The following OSBPL6 variants were observed in gnomAD, a reference collection of about 807,000 sequenced individuals.
OSBPL6 encodes oxysterol-binding protein-related protein 6.
Under a neutral mutation model 125.8 loss-of-function variants are expected in OSBPL6, and 49 were observed. That is an observed-to-expected ratio of 0.39 (90% CI 0.31 to 0.49). The LOEUF is 0.49. Ranked by LOEUF, OSBPL6 falls within the 20% of genes least tolerant of loss-of-function variation. The pLI is 0.88. For synonymous variants in OSBPL6, 394 were observed against 391.8 expected (o/e 1.01, Z -0.07); for missense variants, 986 against 1,135.4 (o/e 0.87, Z 1.89).
intron 12 of OSBPL6, among the ~76,000 whole-genome samples, chr2:178,351,714 T>G (rs1246300818): frequency 6.6e-6 from 1 of 152,186 alleles, no homozygotes; most frequent in Non-Finnish European, 1.5e-5. Context: ...CTAGAGGTTA[T>G]TATCCTCAGC....
chr2:178,314,100 A>G (rs1400411944), intron 3 of OSBPL6, among the ~76,000 whole-genome samples: 2 of 152,256 alleles, frequency 1.3e-5, no homozygotes, highest in Non-Finnish European at 2.9e-5. Flanking sequence ...CCTCTGTAGC[A>G]TCTTCAAATC....
intron 12 of OSBPL6, among the ~76,000 whole-genome samples, chr2:178,356,155 G>A (rs1691770317): frequency 6.6e-6 from 1 of 152,152 alleles, no homozygotes; most frequent in African/African-American, 2.4e-5. Context: ...AAAACTGGAA[G>A]CATTCCCTTT....
At chr2:178,286,389 T>C (rs1450372319) in intron 2 of OSBPL6, among the ~76,000 whole-genome samples, 2 of 152,256 alleles carry the variant, frequency 1.3e-5, no homozygotes, top group African/African-American at 4.8e-5. Flanking sequence ...TTTCTTCTGC[T>C]CTCTGTATAT....
chr2:178,366,187 C>T (rs965975478), intron 13 of OSBPL6, among the ~76,000 whole-genome samples: 1 of 152,204 alleles, frequency 6.6e-6, no homozygotes, highest in African/African-American at 2.4e-5. Context: ...CCACTGCACC[C>T]AGCTTATGTC....
At chr2:178,308,294 G>A (rs564381423) in intron 3 of OSBPL6, among the ~76,000 whole-genome samples, 19 of 152,270 alleles carry the variant, frequency 1.2e-4, no homozygotes, top group Middle Eastern at 3.4e-3. Context: ...AGGGAACTCA[G>A]ATATTTTGAC....
intron 1 of OSBPL6, among the ~76,000 whole-genome samples, chr2:178,263,285 C>G (rs1213857478): frequency 6.6e-6 from 1 of 152,126 alleles, no homozygotes; most frequent in Non-Finnish European, 1.5e-5. Flanking sequence ...TCAAGACTAG[C>G]CTGACGGACA....
chr2:178,278,436 C>A (rs548444396), intron 1 of OSBPL6, among the ~76,000 whole-genome samples: 1 of 152,242 alleles, frequency 6.6e-6, no homozygotes, highest in South Asian at 2.1e-4. Flanking sequence ...ACATAATTGA[C>A]TTACTGTTGT....
intron 3 of OSBPL6, among the ~76,000 whole-genome samples, chr2:178,322,379 A>G (rs1409521162): frequency 6.6e-6 from 1 of 152,230 alleles, no homozygotes; most frequent in Non-Finnish European, 1.5e-5. Context: ...AAGCAAAAGC[A>G]GTAGCCACAT....
At chr2:178,257,983 G>T (rs549449834) in intron 1 of OSBPL6, among the ~76,000 whole-genome samples, 38 of 151,922 alleles carry the variant, frequency 2.5e-4, no homozygotes, top group African/African-American at 7.7e-4. Context: ...TAGAAACAGG[G>T]TCTACCTATG....
At chr2:178,225,028 A>AGTGT (rs146108640) in intron 1 of OSBPL6, among the ~76,000 whole-genome samples, 8 of 119,082 alleles carry the variant, frequency 6.7e-5, no homozygotes, top group East Asian at 2.5e-4. Context: ...TCTCTCTCTG[A>AGTGT]GTGTGTGTGT....
chr2:178,335,641 A>T (rs191755938), intron 8 of OSBPL6, among the ~76,000 whole-genome samples: 2 of 152,200 alleles, frequency 1.3e-5, no homozygotes, highest in African/African-American at 4.8e-5. Context: ...TTTTAAAATT[A>T]TTTCAATTTT....
intron 3 of OSBPL6, among the ~76,000 whole-genome samples, chr2:178,321,455 A>G (rs1307652204): frequency 6.6e-6 from 1 of 152,236 alleles, no homozygotes; most frequent in Non-Finnish European, 1.5e-5. Flanking sequence ...TAGATATTTC[A>G]TTTAAAATAA....
In OSBPL6 at chr2:178,318,413, A is replaced by G. The variant is rs111609076; in HGVS notation, c.103-5764A>G. Reference sequence around the variant, plus strand: ...TTTCATTCATTTTAAGGGTGCTTATATAGAGACCTACTGTTAATGCACTTC... The same window carrying G: ...TTTCATTCATTTTAAGGGTGCTTATGTAGAGACCTACTGTTAATGCACTTC... On this transcript the variant is annotated intron_variant, in intron 3 of 24. Coordinates refer to ENST00000190611, the MANE Select transcript of OSBPL6 (RefSeq NM_032523.4). 1.9e-3 allele frequency among the ~76,000 whole-genome samples: 290 copies of G among 152,328 alleles called. 4 individuals are homozygous for G. Among genetic ancestry groups the G allele is most frequent in the African/African-American group, 6.7e-3 (279 of 41,580 alleles).
intron 2 of OSBPL6, among the ~76,000 whole-genome samples, chr2:178,299,506 C>CT (rs1041628308): frequency 6.7e-6 from 1 of 148,210 alleles, no homozygotes; most frequent in Non-Finnish European, 1.5e-5. Context: ...GATGAACTTA[C>CT]TTTTTTTCTT....
At position 178,386,180 on chromosome 2, in the gene OSBPL6, C is replaced by T. The variant is rs115264113; in HGVS notation, c.2077+659C>T. ...TGAGCATTTTCTTAACCTGAAAATACATAAAAATGATAGAACACTGTAGCT... is the reference window on the plus strand; with the variant it reads ...TGAGCATTTTCTTAACCTGAAAATATATAAAAATGATAGAACACTGTAGCT... On this transcript the variant is annotated intron_variant, in intron 19 of 24. Transcript: ENST00000190611. Among the ~76,000 whole-genome samples the T allele has an allele frequency of 4.9e-3, 746 of 152,212 alleles. 7 individuals are homozygous for T. Among genetic ancestry groups the T allele is most frequent in the African/African-American group, 0.017 (707 of 41,518 alleles).
chr2:178,197,091 C>T (rs920061255), intron 1 of OSBPL6, among the ~76,000 whole-genome samples: 8 of 150,780 alleles, frequency 5.3e-5, no homozygotes, highest in Non-Finnish European at 8.8e-5. Flanking sequence ...CCTGGGCACA[C>T]GTGCCAGTGT....
At chr2:178,282,299 G>C (rs1374619857) in intron 1 of OSBPL6, among the ~76,000 whole-genome samples, 2 of 152,230 alleles carry the variant, frequency 1.3e-5, no homozygotes, top group African/African-American at 4.8e-5. Flanking sequence ...ATGGGAGAGG[G>C]CGGAGGAATT....
At chr2:178,238,269 G>T (rs2091143546) in intron 1 of OSBPL6, among the ~76,000 whole-genome samples, 1 of 152,136 alleles carries the variant, frequency 6.6e-6, no homozygotes, top group African/African-American at 2.4e-5. Context: ...GAAATCTCAT[G>T]CCGCCCTGCT....
Position 178,395,609 on chromosome 2 carries a change from A to G in OSBPL6, c.*50A>G, listed in dbSNP as rs868046290. 2 of 1,338,304 alleles carry G rather than the reference A, an allele frequency of 1.5e-6. No homozygotes were observed. Among genetic ancestry groups the G allele is most frequent in the Non-Finnish European group, 2.1e-6 (2 of 938,982 alleles). 82.9% of individuals were successfully genotyped at this position (1,338,304 alleles called of 1,614,324 possible). A position where few individuals can be genotyped will look rare whatever the true frequency, so the allele number is the denominator to read the frequency against. Reference sequence around the variant, plus strand: ...ATATCACATTCTGAATGAATAAATAACTATGCACAATTATGTTTCTTATAG... The same window carrying G: ...ATATCACATTCTGAATGAATAAATAGCTATGCACAATTATGTTTCTTATAG... On this transcript the variant is annotated 3_prime_UTR_variant, in exon 25 of 25. Transcript: ENST00000190611.
Sources: gnomAD v4.1 joint callset for allele counts (sites outside exome capture counted in the v4.1 genomes callset) on GRCh38, gnomAD v4.1.1 for gene constraint, MANE v1.5 for transcripts, NCBI Gene and HGNC (gene_info 2026-07-23, HGNC 2026-07-21) for gene names.